The following RBMS3 variants were observed in gnomAD, a reference collection of about 807,000 sequenced individuals.
RBMS3 encodes RNA binding motif single stranded interacting protein 3.
In RBMS3, 27 loss-of-function variants were observed where a neutral mutation model predicts 66.8. The ratio of observed to expected loss-of-function variants is 0.40; its 90% confidence interval spans 0.30 to 0.56. The LOEUF is 0.56. RBMS3 is among the 20% of genes least tolerant of loss of function. The probability of loss-of-function intolerance (pLI) is 0.40; values close to 1 mark genes in which losing one functional copy is unlikely to be tolerated. For synonymous variants in RBMS3, 188 were observed against 183.0 expected (o/e 1.03, Z -0.22); for missense variants, 513 against 549.5 (o/e 0.93, Z 0.66).
chr3:29,377,565 T>C (rs748761856), intron 1 of RBMS3, among the ~76,000 whole-genome samples: 1 of 152,220 alleles, frequency 6.6e-6, no homozygotes, highest in African/African-American at 2.4e-5. Context: ...AGCTTCAAGA[T>C]TGCATGCCCC....
At chr3:29,439,188 CAAG>C (rs957047906) in intron 2 of RBMS3, among the ~76,000 whole-genome samples, 1 of 152,094 alleles carries the variant, frequency 6.6e-6, no homozygotes, top group African/African-American at 2.4e-5. Context: ...CACGAAAGGA[CAAG>C]ATGATTCCTT....
At chr3:29,877,515 G>A (rs186722686) in intron 7 of RBMS3, among the ~76,000 whole-genome samples, 7 of 152,328 alleles carry the variant, frequency 4.6e-5, no homozygotes, top group African/African-American at 1.7e-4. Flanking sequence ...GCAGCCTTTT[G>A]TAGAACCATT....
At chr3:29,929,882 TC>T in intron 10 of RBMS3, among the ~76,000 whole-genome samples, 1 of 152,006 alleles carries the variant, frequency 6.6e-6, no homozygotes, top group African/African-American at 2.4e-5. Flanking sequence ...GAAACCCAGC[TC>T]TAGTTTGCCC....
In RBMS3 at chr3:29,384,447, G is replaced by T. The variant is rs560587823; in HGVS notation, c.76-50296G>T. Among the ~76,000 whole-genome samples the T allele has an allele frequency of 3.2e-3, 457 of 142,904 alleles. 2 individuals carry two copies. The highest frequency in any genetic ancestry group is 0.017 in the South Asian group (74 of 4,484). The allele number at this position is 142,904 out of a possible 152,430, so 93.8% of individuals were successfully genotyped here. On this transcript the variant is annotated intron_variant, in intron 1 of 14. Coordinates refer to ENST00000383767, the MANE Select transcript of RBMS3 (RefSeq NM_001003793.3). ...ATAATAATAATAATAAGAAGAAGAA[G>T]AAGAAGAAGAAGAAGAAGAATCCAG...
chr3:29,964,718 AATTTT>A (rs1285206619), intron 12 of RBMS3, among the ~76,000 whole-genome samples: 4 of 151,884 alleles, frequency 2.6e-5, no homozygotes, highest in African/African-American at 9.7e-5. Context: ...TAATTTTCTT[AATTTT>A]ATTTTATTTT....
intron 12 of RBMS3, among the ~76,000 whole-genome samples, chr3:29,964,187 A>G (rs1010109708): frequency 1.3e-5 from 2 of 152,226 alleles, no homozygotes; most frequent in African/African-American, 2.4e-5. Context: ...GAAGTATAAC[A>G]TAAGACTTCA....
chr3:29,890,944 T>A (rs934695204), intron 8 of RBMS3, among the ~76,000 whole-genome samples: 1 of 151,564 alleles, frequency 6.6e-6, no homozygotes, highest in African/African-American at 2.4e-5. Context: ...TGTGTTCTGA[T>A]GAGGAATTGG....
chr3:29,825,344 A>AT (rs1253499341), intron 6 of RBMS3, among the ~76,000 whole-genome samples: 2 of 151,922 alleles, frequency 1.3e-5, no homozygotes, highest in Non-Finnish European at 2.9e-5. Context: ...GCAGTTATTC[A>AT]TTTTTTATGT....
At chr3:29,575,385 A>G (rs1442877370) in intron 3 of RBMS3, among the ~76,000 whole-genome samples, 1 of 151,400 alleles carries the variant, frequency 6.6e-6, no homozygotes, top group Non-Finnish European at 1.5e-5. Flanking sequence ...TTACAGCTCC[A>G]TTGTATGTTG....
At chr3:29,679,814 A>G (rs2051413522) in intron 4 of RBMS3, among the ~76,000 whole-genome samples, 1 of 149,616 alleles carries the variant, frequency 6.7e-6, no homozygotes, top group Non-Finnish European at 1.5e-5. Flanking sequence ...AATTACTGCT[A>G]AAACATATTG....
chr3:29,823,145 T>C (rs550846119), intron 6 of RBMS3, among the ~76,000 whole-genome samples: 8 of 152,278 alleles, frequency 5.3e-5, no homozygotes, highest in East Asian at 3.9e-4. Flanking sequence ...ATCTGCATAC[T>C]ATAAATATAC....
intron 1 of RBMS3, among the ~76,000 whole-genome samples, chr3:29,411,626 T>C (rs960910124): frequency 6.6e-6 from 1 of 152,244 alleles, no homozygotes; most frequent in African/African-American, 2.4e-5. Context: ...GTGAAACTTT[T>C]ATGCCCAACG....
At chr3:29,697,119 G>T in intron 4 of RBMS3, 1 of 984,980 alleles carries the variant, frequency 1.0e-6, no homozygotes, top group African/African-American at 1.7e-5. Context: ...GGCACAAAAA[G>T]CATTTGTTTT....
intron 6 of RBMS3, among the ~76,000 whole-genome samples, chr3:29,788,708 CTG>C (rs2056908596): frequency 1.3e-5 from 2 of 152,030 alleles, no homozygotes; most frequent in African/African-American, 2.4e-5. Context: ...AAGTAAATGT[CTG>C]TATCTTTTTT....
chr3:29,525,453 G>A (rs1481289054), intron 3 of RBMS3, among the ~76,000 whole-genome samples: 4 of 152,182 alleles, frequency 2.6e-5, no homozygotes, highest in African/African-American at 9.7e-5. Flanking sequence ...CATCCCTTCA[G>A]CTGGCCCTCC....
intron 6 of RBMS3, among the ~76,000 whole-genome samples, chr3:29,806,575 C>A (rs76750677): frequency 0.043 from 6,593 of 151,906 alleles, 254 homozygotes; most frequent in East Asian, 0.13. Context: ...CACTCAAAGA[C>A]GAGCACAGAG....
chr3:29,690,316 G>A (rs948237473), intron 4 of RBMS3, among the ~76,000 whole-genome samples: 9 of 152,068 alleles, frequency 5.9e-5, no homozygotes, highest in Non-Finnish European at 1.0e-4. Flanking sequence ...TGGACGTGGT[G>A]GCATGTGCCT....
At chr3:29,611,658 C>T (rs1223092612) in intron 4 of RBMS3, among the ~76,000 whole-genome samples, 3 of 151,792 alleles carry the variant, frequency 2.0e-5, no homozygotes, top group East Asian at 3.9e-4. Flanking sequence ...GCAGGAGCTC[C>T]GTATTCATAG....
chr3:29,649,863 A>G (rs1252051092), intron 4 of RBMS3, among the ~76,000 whole-genome samples: 1 of 152,220 alleles, frequency 6.6e-6, no homozygotes, highest in South Asian at 2.1e-4. Context: ...CTCTCATCAT[A>G]CTATAATTAT....
Sources: gnomAD v4.1 joint callset for allele counts (sites outside exome capture counted in the v4.1 genomes callset) on GRCh38, gnomAD v4.1.1 for gene constraint, MANE v1.5 for transcripts, NCBI Gene and HGNC (gene_info 2026-07-23, HGNC 2026-07-21) for gene names.